The following FECH variants were observed in gnomAD, a reference collection of about 807,000 sequenced individuals.
The protein encoded by FECH is ferrochelatase.
A neutral mutation model predicts 56.9 loss-of-function variants in FECH; 40 were observed. That is an observed-to-expected ratio of 0.70 (90% CI 0.55 to 0.92). The LOEUF (loss-of-function observed/expected upper bound fraction) is 0.92, where lower values mean the gene tolerates loss of function less well. Ranked by LOEUF, FECH falls within the 40% of genes least tolerant of loss-of-function variation. The pLI is 0.00. For missense variants in FECH, 431 were observed against 529.1 expected, an observed-to-expected ratio of 0.81 and a Z score of 1.82; for synonymous variants, 175 against 198.6, an observed-to-expected ratio of 0.88 and a Z score of 1.00.
rs1021774147 is a variant in FECH, at chr18:57,545,369, G to A, written c.*5343C>T. ...GATTCCAGCTAAAAACAACGAAGCC[G>A]GTACTATCACAGTATGTTGTAAGAA... On this transcript the variant is annotated 3_prime_UTR_variant, in exon 11 of 11. Transcript: ENST00000262093. Among the ~76,000 whole-genome samples the A allele has an allele frequency of 4.6e-5, 7 of 152,168 alleles. No individual in the cohort carries two copies. The highest frequency in any genetic ancestry group is 1.9e-4 in the East Asian group (1 of 5,200).
rs761066798 is a variant in FECH at position 57,573,387 on chromosome 18, G to A, written c.195-22C>T. On this transcript the variant is annotated intron_variant, in intron 2 of 10. Coordinates refer to ENST00000262093, the MANE Select transcript of FECH (RefSeq NM_000140.5). ...CTTCCTATATAAAATAAAATACAAC[G>A]GTTGATTTGTCACACTTCTTATTTT... The A allele has an allele frequency of 8.1e-6, 13 of 1,613,382 alleles. No homozygotes were observed. In the African/African-American group the frequency reaches 9.4e-5, roughly 12 times the overall value.
At chr18:57,571,561 G>A (rs1438769448) in intron 3 of FECH, 21 bp from the exon 4 acceptor site, 13 of 1,613,798 alleles carry the variant, frequency 8.1e-6, no homozygotes, top group Middle Eastern at 3.3e-4. Flanking sequence ...TAACATACAG[G>A]TAAGTGGATT....
chr18:57,559,005 A>G, intron 7 of FECH, 140 bp downstream of exon 7: 2 of 695,040 alleles, frequency 2.9e-6, no homozygotes, highest in South Asian at 1.5e-5. Context: ...GAGGCTAGTT[A>G]GCACCAAGTC....
rs993366092 is a variant in FECH at position 57,554,477 on chromosome 18, T to C, written c.913-53A>G. 21 of 1,603,970 alleles carry C rather than the reference T, an allele frequency of 1.3e-5. No homozygotes were observed. The East Asian group carries it at 3.8e-4, about 29-fold the overall frequency. On this transcript the variant is annotated intron_variant, in intron 8 of 10. Coordinates refer to ENST00000262093, the MANE Select transcript of FECH (RefSeq NM_000140.5). ...GTGGACTATGCCTCCTGACGGTCTG[T>C]AGTACCCCTGTTTGCCCCCCTGGGC... is the stretch of plus-strand genomic sequence containing the variant.
chr18:57,586,500 C>G (rs1042204254), intron 1 of FECH, 54 bp downstream of exon 1: 41 of 1,509,152 alleles, frequency 2.7e-5, no homozygotes, highest in Non-Finnish European at 3.5e-5. Context: ...CCCGCTCTGC[C>G]CACGCCTTCT....
At chr18:57,572,532 A>G (rs1463409644) in intron 3 of FECH, among the ~76,000 whole-genome samples, 1 of 144,772 alleles carries the variant, frequency 6.9e-6, no homozygotes, top group Non-Finnish European at 1.5e-5. Flanking sequence ...AAAAAAAAAA[A>G]AAAAAGGAAA....
intron 7 of FECH, among the ~76,000 whole-genome samples, chr18:57,557,265 G>A (rs1004117134): frequency 6.6e-6 from 1 of 152,154 alleles, no homozygotes; most frequent in Non-Finnish European, 1.5e-5. Flanking sequence ...TCAAAATAAA[G>A]TTTAAAAAGT....
chr18:57,551,817 G>A (rs1000072693), intron 9 of FECH, among the ~76,000 whole-genome samples: 7 of 151,536 alleles, frequency 4.6e-5, no homozygotes, highest in Admixed American at 1.3e-4. Flanking sequence ...TTAACTTATC[G>A]ACTATAAAAT....
At chr18:57,580,020 T>C in intron 2 of FECH, 53 bp downstream of exon 2, 1 of 1,611,440 alleles carries the variant, frequency 6.2e-7, no homozygotes, top group Non-Finnish European at 8.5e-7. Flanking sequence ...TGTCTATTGG[T>C]GTCTGCATCG....
chr18:57,567,078 G>C (rs191465658), intron 4 of FECH, among the ~76,000 whole-genome samples: 77 of 151,922 alleles, frequency 5.1e-4, no homozygotes, highest in African/African-American at 1.8e-3. Context: ...TTAGAGCCTG[G>C]GTCTCCCAAC....
intron 4 of FECH, among the ~76,000 whole-genome samples, chr18:57,567,578 T>C (rs2051035180): frequency 6.6e-6 from 1 of 152,214 alleles, no homozygotes. Context: ...ACTACATGAG[T>C]GTCAGGTAAT....
At chr18:57,566,990 T>A (rs1380624206) in intron 4 of FECH, among the ~76,000 whole-genome samples, 3 of 151,838 alleles carry the variant, frequency 2.0e-5, no homozygotes, top group African/African-American at 7.3e-5. Flanking sequence ...TAAACCTGAT[T>A]TTCCAGATAA....
intron 4 of FECH, among the ~76,000 whole-genome samples, chr18:57,570,031 T>TG (rs1317904142): frequency 0.022 from 1,709 of 79,066 alleles, 35 homozygotes; most frequent in East Asian, 0.099. Context: ...GTTGTTGTTG[T>TG]CGTGTGTGTG....
chr18:57,584,505 T>G (rs2122377580), intron 1 of FECH, among the ~76,000 whole-genome samples: 1 of 152,176 alleles, frequency 6.6e-6, no homozygotes, highest in Admixed American at 6.5e-5. Flanking sequence ...AAGTATCAAC[T>G]GGTTCTTCAA....
intron 3 of FECH, among the ~76,000 whole-genome samples, chr18:57,572,589 G>GT (rs1555681070): frequency 3.8e-4 from 2 of 5,244 alleles, no homozygotes; most frequent in Non-Finnish European, 1.7e-3. Flanking sequence ...GTAACGAAGT[G>GT]GGGGGGGGGG....
chr18:57,550,691 C>A lies in FECH; in HGVS notation c.*21G>T. 1 of 1,613,928 alleles carries A rather than the reference C, an allele frequency of 6.2e-7. No individual in the cohort carries two copies. The highest frequency in any genetic ancestry group is 8.5e-7 in the Non-Finnish European group (1 of 1,179,946). ...TGGAGGTTGGGCATTTGCCTAACGC[C>A]ACGGGGTCCACCGGCGGGGGTCACA... On this transcript the variant is annotated 3_prime_UTR_variant, in exon 11 of 11. Coordinates refer to ENST00000262093, the MANE Select transcript of FECH (RefSeq NM_000140.5).
At position 57,547,189 on chromosome 18, in the gene FECH, T is replaced by A. The variant is rs1304599379; in HGVS notation, c.*3523A>T. Among the ~76,000 whole-genome samples, 1 of 152,080 alleles carries A rather than the reference T, an allele frequency of 6.6e-6. No homozygotes were observed. The highest frequency in any genetic ancestry group is 2.4e-5 in the African/African-American group (1 of 41,400). On this transcript the variant is annotated 3_prime_UTR_variant, in exon 11 of 11. Transcript: ENST00000262093. ...GACTTGCCTTGTCTTGGATGAGACTTTGAACTTGGACTTTTGGGTTAATGC... is the reference window on the plus strand; with the variant it reads ...GACTTGCCTTGTCTTGGATGAGACTATGAACTTGGACTTTTGGGTTAATGC...
intron 1 of FECH, among the ~76,000 whole-genome samples, chr18:57,583,336 C>T (rs1055450515): frequency 6.6e-6 from 1 of 152,178 alleles, no homozygotes; most frequent in African/African-American, 2.4e-5. Flanking sequence ...CATTGCGTGG[C>T]GTAGAGAGTA....
chr18:57,559,562 C>T (rs1243839716), intron 6 of FECH, among the ~76,000 whole-genome samples: 2 of 152,132 alleles, frequency 1.3e-5, no homozygotes, highest in African/African-American at 2.4e-5. Flanking sequence ...AAAGGAAACA[C>T]AGATGGGAAG....
Sources: allele counts gnomAD v4.1 joint callset (sites outside exome capture counted in the v4.1 genomes callset), GRCh38; gene constraint gnomAD v4.1.1; transcripts MANE v1.5; gene names NCBI Gene and HGNC (gene_info 2026-07-23, HGNC 2026-07-21).